Variants in MTFR1 observed in about 807,000 individuals in gnomAD.
MTFR1 encodes mitochondrial fission regulator 1.
Under a neutral mutation model 38.8 loss-of-function variants are expected in MTFR1, and 28 were observed. The observed-to-expected ratio is 0.72, with a 90% CI of 0.53 to 0.99. The LOEUF is 0.99. Ranked by LOEUF, MTFR1 falls within the 50% of genes least tolerant of loss-of-function variation. MTFR1 has a pLI of 0.00. For synonymous variants in MTFR1, 145 were observed against 137.0 expected (o/e 1.06, Z -0.41); for missense variants, 358 against 395.5 (o/e 0.91, Z 0.81).
intron 3 of MTFR1, among the ~76,000 whole-genome samples, chr8:65,739,794 T>C (rs2128901155): frequency 6.6e-6 from 1 of 152,352 alleles, no homozygotes; most frequent in East Asian, 1.9e-4. Flanking sequence ...AAAAATTTAA[T>C]TTTTGTTGTT....
At chr8:65,764,268 A>T (rs1808657049) in intron 3 of MTFR1, among the ~76,000 whole-genome samples, 1 of 152,218 alleles carries the variant, frequency 6.6e-6, no homozygotes, top group Non-Finnish European at 1.5e-5. Context: ...ACCTGATATG[A>T]CTTCAAGAGA....
intron 3 of MTFR1, among the ~76,000 whole-genome samples, chr8:65,768,922 T>C (rs1808934885): frequency 6.6e-6 from 1 of 152,058 alleles, no homozygotes; most frequent in Non-Finnish European, 1.5e-5. Context: ...TCTGAGGAAA[T>C]TTTTTTATTC....
chr8:65,726,302 T>G (rs1038074488), intron 3 of MTFR1, among the ~76,000 whole-genome samples: 2 of 152,142 alleles, frequency 1.3e-5, no homozygotes, highest in Non-Finnish European at 2.9e-5. Context: ...CATTAATGTT[T>G]TTTATTAGGT....
chr8:65,655,286 A>G (rs1809224966), intron 1 of MTFR1, among the ~76,000 whole-genome samples: 1 of 152,216 alleles, frequency 6.6e-6, no homozygotes, highest in African/African-American at 2.4e-5. Flanking sequence ...TTAATTTTAT[A>G]TCTAAATTGC....
At chr8:65,674,768 A>G (rs1804664540) in intron 2 of MTFR1, among the ~76,000 whole-genome samples, 1 of 152,134 alleles carries the variant, frequency 6.6e-6, no homozygotes, top group South Asian at 2.1e-4. Flanking sequence ...TTGGCTTACT[A>G]TGCCAGTGCT....
intron 3 of MTFR1, among the ~76,000 whole-genome samples, chr8:65,753,431 A>C (rs749034655): frequency 6.6e-6 from 1 of 152,198 alleles, no homozygotes; most frequent in Non-Finnish European, 1.5e-5. Flanking sequence ...GAGAGACTGC[A>C]CTGGACCCTG....
intron 2 of MTFR1, among the ~76,000 whole-genome samples, chr8:65,670,392 C>T (rs1804534933): frequency 1.3e-5 from 2 of 151,954 alleles, no homozygotes; most frequent in South Asian, 4.1e-4. Context: ...TGTGTTTAAA[C>T]AACACAGTTG....
chr8:65,719,165 T>TA, intron 2 of MTFR1: 4 of 657,606 alleles, frequency 6.1e-6, no homozygotes, highest in Non-Finnish European at 5.4e-6. Context: ...TGGAAATAAA[T>TA]AATGCTGGCT....
At chr8:65,761,267 T>C (rs956272264) in intron 3 of MTFR1, among the ~76,000 whole-genome samples, 1 of 152,162 alleles carries the variant, frequency 6.6e-6, no homozygotes, top group Non-Finnish European at 1.5e-5. Context: ...GGTTTCACCA[T>C]GTTGGCCAGG....
In MTFR1 at chr8:65,734,022, T is replaced by C. The variant is rs1261826664; in HGVS notation, c.*48+14541T>C. On this transcript the variant is annotated intron_variant, in intron 3 of 3. Transcript: ENST00000521247. ...CTGCAGACAATGATTCCCAAATCCA[T>C]ACATTAAGTCTGATTTCTCTTCTAT... Among the ~76,000 whole-genome samples the C allele has an allele frequency of 2.6e-5, 4 of 152,304 alleles. No homozygotes were observed. In the East Asian group the frequency reaches 7.7e-4, roughly 29 times the overall value.
intron 4 of MTFR1, among the ~76,000 whole-genome samples, chr8:65,695,811 A>G (rs1309710261): frequency 2.0e-5 from 3 of 152,226 alleles, no homozygotes; most frequent in Admixed American, 2.0e-4. Context: ...AGGAAGGCCT[A>G]TACTCTATAA....
Position 65,707,356 on chromosome 8 carries a change from A to T in MTFR1, c.764+100A>T. On this transcript the variant is annotated intron_variant, in intron 6 of 7. Transcript: ENST00000262146. ...TTTTGTTTATAACATGACTGCCATG[A>T]ATAGTTTTTAGTTTAAAAAAAAGAT... The T allele has an allele frequency of 3.9e-6, 5 of 1,273,370 alleles. 1 individual carries two copies. The South Asian group carries it at 7.5e-5, about 19-fold the overall frequency. The allele number at this position is 1,273,370 out of a possible 1,614,324, so 78.9% of individuals were successfully genotyped here.
At chr8:65,662,696 C>T (rs1809472437) in intron 1 of MTFR1, among the ~76,000 whole-genome samples, 1 of 141,464 alleles carries the variant, frequency 7.1e-6, no homozygotes, top group African/African-American at 2.6e-5. Flanking sequence ...TGAGGAGCCC[C>T]TCCGCCCGGC....
intron 3 of MTFR1, chr8:65,721,743 A>C (rs573823631): frequency 1.1e-4 from 16 of 152,118 alleles, no homozygotes; most frequent in Non-Finnish European, 2.2e-4. Context: ...TAATATTAAA[A>C]GTAACTGAGT....
chr8:65,770,510 G>T (rs1809033133), intron 3 of MTFR1, among the ~76,000 whole-genome samples: 1 of 152,104 alleles, frequency 6.6e-6, no homozygotes, highest in East Asian at 1.9e-4. Flanking sequence ...CCTCCCACTG[G>T]GCCCCTCCCA....
At chr8:65,729,123 TCTGTTAAGAGCTG>T (rs1246036731) in intron 3 of MTFR1, among the ~76,000 whole-genome samples, 5 of 152,156 alleles carry the variant, frequency 3.3e-5, no homozygotes, top group African/African-American at 1.2e-4. Context: ...TGTGATTACA[TCTGTTAAGAGCTG>T]ACAACAAAGA....
chr8:65,656,813 T>A (rs1809282950), intron 1 of MTFR1, among the ~76,000 whole-genome samples: 1 of 151,890 alleles, frequency 6.6e-6, no homozygotes. Flanking sequence ...CTGGCTAATT[T>A]TTAAAAAATT....
At chr8:65,755,158 C>CTA (rs1349438215) in intron 3 of MTFR1, among the ~76,000 whole-genome samples, 2 of 149,894 alleles carry the variant, frequency 1.3e-5, no homozygotes, top group Non-Finnish European at 3.0e-5. Flanking sequence ...GTAGCTGGGA[C>CTA]TATAGGTGCA....
chr8:65,716,115 C>T (rs538684218), intron 2 of MTFR1, among the ~76,000 whole-genome samples: 1 of 144,708 alleles, frequency 6.9e-6, no homozygotes, highest in Non-Finnish European at 1.5e-5. Flanking sequence ...CATGCCACTG[C>T]ACTCCAGCCT....
Sources: gnomAD v4.1 joint callset for allele counts (sites outside exome capture counted in the v4.1 genomes callset) on GRCh38, gnomAD v4.1.1 for gene constraint, MANE v1.5 for transcripts, NCBI Gene and HGNC (gene_info 2026-07-23, HGNC 2026-07-21) for gene names.